PDZD2: variants seen among roughly 807,000 people sequenced by gnomAD.
PDZD2 encodes PDZ domain containing 2.
PDZD2 carries 90 observed loss-of-function variants against 220.7 expected under a neutral mutation model. That is an observed-to-expected ratio of 0.41 (90% CI 0.34 to 0.49). The LOEUF (loss-of-function observed/expected upper bound fraction) is 0.49, where lower values mean the gene tolerates loss of function less well. Among genes scored for constraint, PDZD2 ranks in the 20% least tolerant of loss-of-function variants. PDZD2 has a pLI of 0.28. For missense variants in PDZD2, 3,174 were observed against 3,608.5 expected (o/e 0.88, Z 3.08); for synonymous variants, 1,375 against 1,450.5 (o/e 0.95, Z 1.18).
rs1741091540 is a variant in PDZD2, at chr5:32,074,489, G to A, written c.3383G>A (p.Cys1128Tyr). Reference sequence around the variant, plus strand: ...CCAGTGGCCAGGGTAAGCCCCCACTGCAAGAGATCCGAGGCTGAGGCCAAG... The same window carrying A: ...CCAGTGGCCAGGGTAAGCCCCCACTACAAGAGATCCGAGGCTGAGGCCAAG... ...HRPVARVSPHCKRSEAEAKPS... is the reference protein window; with the variant it reads ...HRPVARVSPHYKRSEAEAKPS... Residue 1128 changes from cysteine to tyrosine, a missense_variant, in exon 18 of 25, where the codon TGC (cysteine) becomes TAC (tyrosine). Physicochemically the swap from Cys to Tyr is radical, Grantham distance 194. Around this residue, in one of 4 missense-constraint regions of PDZD2, gnomAD observed 1,861 missense variants for 2,001.0 expected, o/e 0.93. Coordinates refer to ENST00000438447, the MANE Select transcript of PDZD2 (RefSeq NM_178140.4). 6.2e-6 allele frequency: 10 copies of A among 1,614,122 alleles called. No individual in the cohort carries two copies. The highest frequency in any genetic ancestry group is 8.5e-6 in the Non-Finnish European group (10 of 1,179,940).
chr5:31,855,034 T>C (rs1453864975), intron 2 of PDZD2: 3 of 984,992 alleles, frequency 3.0e-6, no homozygotes, highest in Non-Finnish European at 3.6e-6. Context: ...CGCCTGCAGG[T>C]GATTAGGCTA....
intron 6 of PDZD2, among the ~76,000 whole-genome samples, chr5:32,027,076 G>A (rs1754726208): frequency 6.6e-6 from 1 of 152,002 alleles, no homozygotes; most frequent in Admixed American, 6.6e-5. Flanking sequence ...CTGATTTTTT[G>A]TACTTTTAGT....
chr5:31,857,518 T>C (rs1758562853), intron 2 of PDZD2, among the ~76,000 whole-genome samples: 1 of 152,200 alleles, frequency 6.6e-6, no homozygotes, highest in African/African-American at 2.4e-5. Context: ...GAACTCTAGG[T>C]TGGAAATCCC....
intron 3 of PDZD2, among the ~76,000 whole-genome samples, chr5:31,989,656 T>C (rs1021221771): frequency 6.6e-6 from 1 of 152,164 alleles, no homozygotes; most frequent in Non-Finnish European, 1.5e-5. Flanking sequence ...GCTCCTGACC[T>C]CTAGTGATCT....
At chr5:31,859,534 G>A (rs1459604095) in intron 2 of PDZD2, among the ~76,000 whole-genome samples, 8 of 152,208 alleles carry the variant, frequency 5.3e-5, no homozygotes, top group Non-Finnish European at 1.2e-4. Flanking sequence ...TCCTGTTACT[G>A]TTTCTTGGAT....
At chr5:31,951,771 G>A (rs1406643619) in intron 2 of PDZD2, among the ~76,000 whole-genome samples, 2 of 152,120 alleles carry the variant, frequency 1.3e-5, no homozygotes, top group Non-Finnish European at 2.9e-5. Context: ...ACGGTGAATT[G>A]GACAAAGAAA....
chr5:32,089,830 A>G lies in PDZD2; in HGVS notation c.6382A>G (p.Ser2128Gly), dbSNP rs1246084335. 6.2e-7 allele frequency: 1 copy of G among 1,613,820 alleles called. No individual in the cohort carries two copies. The highest frequency in any genetic ancestry group is 1.1e-5 in the South Asian group (1 of 91,074). The change falls in exon 20 of 25, where the codon AGT becomes GGT. Residue 2128 changes from serine (S) to glycine (G), a missense_variant. Around this residue, in one of 4 missense-constraint regions of PDZD2, gnomAD observed 1,861 missense variants for 2,001.0 expected, o/e 0.93. Coordinates refer to ENST00000438447, the MANE Select transcript of PDZD2 (RefSeq NM_178140.4). ...GGCCCAGGGCAACTGTCAGGAGAAG[A>G]GTGAAATCAGGCTCTATCGCCAGGT... ...CLAQGNCQEK[S>G]EIRLYRQVAE...
intron 1 of PDZD2, among the ~76,000 whole-genome samples, chr5:31,660,462 G>A (rs540228466): frequency 6.6e-5 from 10 of 152,186 alleles, no homozygotes; most frequent in East Asian, 1.9e-4. Flanking sequence ...TCTCAGTTCC[G>A]CATGGCTGGG....
At position 32,090,813 on chromosome 5, in the gene PDZD2, G is replaced by C; in HGVS notation, c.7365G>C (p.Thr2455=). ...GTCCTTTGGGAATTCCCACCCCAAC[G>C]ATGACCCTGGCTTCTCCTGTTAAGA... The part of the protein sequence containing the change: ...SLGPLGIPTP[T]MTLASPVKRN... Residue 2455 remains threonine (T), a synonymous_variant, in exon 20 of 25, where the codon ACG becomes ACC. Transcript: ENST00000438447. The surrounding 1 kb of genome is among the most constrained non-coding windows in gnomAD (Gnocchi z 4.3). 6.2e-7 allele frequency: 1 copy of C among 1,614,076 alleles called. No homozygotes were observed.
intron 22 of PDZD2, 131 bp downstream of exon 22, chr5:32,097,511 G>A: frequency 1.5e-6 from 1 of 665,016 alleles, no homozygotes; most frequent in Non-Finnish European, 2.7e-6. Context: ...AACATAAAAA[G>A]GGAGAAGTGG....
intron 2 of PDZD2, among the ~76,000 whole-genome samples, chr5:31,903,644 C>CAAAAAAAAAA (rs59822169): frequency 3.0e-5 from 3 of 99,710 alleles, no homozygotes; most frequent in African/African-American, 1.1e-4. Flanking sequence ...GACCCTGTCT[C>CAAAAAAAAAA]AAAAAAAAAA....
chr5:31,697,427 C>T (rs141663093), intron 1 of PDZD2, among the ~76,000 whole-genome samples: 177 of 152,296 alleles, frequency 1.2e-3, no homozygotes, highest in African/African-American at 4.1e-3. Flanking sequence ...CGTGCCACTG[C>T]ACTCCAGCCT....
chr5:31,898,982 C>T (rs1331745718), intron 2 of PDZD2, among the ~76,000 whole-genome samples: 1 of 151,834 alleles, frequency 6.6e-6, no homozygotes, highest in Non-Finnish European at 1.5e-5. Context: ...CGCCCGCCAC[C>T]ACCCCCAGCT....
intron 2 of PDZD2, among the ~76,000 whole-genome samples, chr5:31,847,057 G>A (rs543053719): frequency 5.3e-5 from 8 of 152,292 alleles, no homozygotes; most frequent in African/African-American, 1.9e-4. Flanking sequence ...ATATACAACA[G>A]CACTCAATAA....
At chr5:31,668,691 C>A (rs1393931073) in intron 1 of PDZD2, among the ~76,000 whole-genome samples, 1 of 151,966 alleles carries the variant, frequency 6.6e-6, no homozygotes, top group Non-Finnish European at 1.5e-5. Flanking sequence ...TATTTGTGGG[C>A]AAATATGGCT....
chr5:31,759,540 ATTTT>A (rs71614266), intron 1 of PDZD2, among the ~76,000 whole-genome samples: 26 of 131,148 alleles, frequency 2.0e-4, no homozygotes, highest in African/African-American at 5.5e-4. Context: ...TCTCAGAACT[ATTTT>A]TTTTTTTTTT....
chr5:31,985,159 G>C (rs958521719), intron 3 of PDZD2, among the ~76,000 whole-genome samples: 1 of 151,574 alleles, frequency 6.6e-6, no homozygotes, highest in East Asian at 1.9e-4. Flanking sequence ...TCCAAATTAA[G>C]GGCAGTGAAA....
chr5:31,700,832 G>C (rs1245031778), intron 1 of PDZD2, among the ~76,000 whole-genome samples: 1 of 152,206 alleles, frequency 6.6e-6, no homozygotes, highest in African/African-American at 2.4e-5. Context: ...TTTCAGACCT[G>C]GGTAGACCAG....
intron 1 of PDZD2, among the ~76,000 whole-genome samples, chr5:31,673,992 C>G (rs943654207): frequency 2.0e-5 from 3 of 152,128 alleles, no homozygotes; most frequent in African/African-American, 7.2e-5. Context: ...AAAAGAGTTA[C>G]CAGAGAGCTT....
Sources: gnomAD v4.1 joint callset for allele counts (sites outside exome capture counted in the v4.1 genomes callset) on GRCh38, gnomAD v4.1.1 for gene constraint, gnomAD v4.1.1 regional missense constraint, Gnocchi (gnomAD v3.1) non-coding constraint, MANE v1.5 for transcripts, NCBI Gene and HGNC (gene_info 2026-07-23, HGNC 2026-07-21) for gene names.